The following MAL2 variants were observed in gnomAD, a reference collection of about 807,000 sequenced individuals.
MAL2 encodes the protein protein MAL2.
A neutral mutation model predicts 18.1 loss-of-function variants in MAL2; 17 were observed. That is an observed-to-expected ratio of 0.94 (90% CI 0.64 to 1.41). The LOEUF is 1.41. Ranked by LOEUF, MAL2 falls within the 40% of genes most tolerant of loss-of-function variation. The probability of loss-of-function intolerance (pLI) is 0.00; values close to 1 mark genes in which losing one functional copy is unlikely to be tolerated. For missense variants in MAL2, 222 were observed against 231.9 expected (o/e 0.96, Z 0.28); for synonymous variants, 102 against 102.3 (o/e 1.00, Z 0.02).
chr8:119,231,852 G>A (rs2129865464), intron 2 of MAL2, among the ~76,000 whole-genome samples: 1 of 151,036 alleles, frequency 6.6e-6, no homozygotes, highest in East Asian at 1.9e-4. Flanking sequence ...ACTTATATGT[G>A]AAATCTTGAA....
At chr8:119,225,970 TTTTTC>T (rs1817587562) in intron 2 of MAL2, among the ~76,000 whole-genome samples, 1 of 152,174 alleles carries the variant, frequency 6.6e-6, no homozygotes, top group African/African-American at 2.4e-5. Flanking sequence ...TGGGGTTGTT[TTTTTC>T]TTGTGAATTT....
intron 2 of MAL2, among the ~76,000 whole-genome samples, chr8:119,230,393 C>T (rs1817692733): frequency 6.7e-6 from 1 of 150,348 alleles, no homozygotes; most frequent in South Asian, 2.1e-4. Flanking sequence ...CAATTTAATT[C>T]AGATACTTCT....
chr8:119,208,822 C>A lies in MAL2; in HGVS notation c.132+218C>A. ...ACGCGGGCACCTGCTCCCCCGCGGG[C>A]GACGGAAATTGCCTGGGGAGGGCGA... On this transcript the variant is annotated intron_variant, in intron 1 of 3. Transcript: ENST00000614891. The surrounding 1 kb of genome is among the most constrained non-coding windows in gnomAD (Gnocchi z 4.3). The A allele has an allele frequency of 1.5e-6, 1 of 666,540 alleles. No homozygotes were observed. The highest frequency in any genetic ancestry group is 2.1e-6 in the Non-Finnish European group (1 of 483,686). The allele number at this position is 666,540 out of a possible 1,614,324, so 41.3% of individuals were successfully genotyped here.
chr8:119,235,401 C>T (rs1296681628), intron 2 of MAL2, among the ~76,000 whole-genome samples: 1 of 152,032 alleles, frequency 6.6e-6, no homozygotes, highest in Non-Finnish European at 1.5e-5. Flanking sequence ...AGAACTTCCC[C>T]AATCTAGCAA....
chr8:119,244,188 A>G lies in MAL2; in HGVS notation c.*700A>G, dbSNP rs891242713. 3 of 152,196 alleles carry G rather than the reference A, an allele frequency of 2.0e-5. No individual in the cohort carries two copies. Among genetic ancestry groups the G allele is most frequent in the Non-Finnish European group, 4.4e-5 (3 of 68,048 alleles). The allele number at this position is 152,196 out of a possible 1,614,324, so 9.4% of individuals were successfully genotyped here. On this transcript the variant is annotated 3_prime_UTR_variant, in exon 4 of 4. Transcript: ENST00000614891. ...TGCATTTTCTTGAACTGATCATTGA[A>G]AACTTATAAACCTAACAGAAAAGCC...
rs757264324 is a variant in MAL2, at chr8:119,243,433, C to T, written c.476C>T (p.Thr159Met). 9.4e-6 allele frequency: 15 copies of T among 1,595,754 alleles called. No homozygotes were observed. Among genetic ancestry groups the T allele is most frequent in the Non-Finnish European group, 1.2e-5 (14 of 1,170,128 alleles). The change falls in exon 4 of 4, where the codon ACG (threonine) becomes ATG (methionine). Residue 159 changes from threonine (T) to methionine (M), a missense_variant. By Grantham distance (81) the Thr-to-Met change is moderately conservative. Coordinates refer to ENST00000614891, the MANE Select transcript of MAL2 (RefSeq NM_052886.3). ...NVAASIFAFM[T>M]TACYGCSLGL... The stretch of plus-strand genomic sequence containing the variant: ...TTTTCTTAGATTTTTGCCTTTATGA[C>T]GACAGCTTGTTATGGTTGCAGTTTG...
intron 3 of MAL2, among the ~76,000 whole-genome samples, chr8:119,240,554 C>T (rs1587146215): frequency 6.6e-6 from 1 of 152,188 alleles, no homozygotes; most frequent in African/African-American, 2.4e-5. Flanking sequence ...AAGATCATAG[C>T]AAGCCAGTAG....
chr8:119,209,073 G>A, intron 1 of MAL2: 1 of 165,036 alleles, frequency 6.1e-6, no homozygotes, highest in Admixed American at 5.9e-5. Context: ...GAAAGTGGGG[G>A]CGGGAGGCAA....
intron 2 of MAL2, among the ~76,000 whole-genome samples, chr8:119,230,105 A>T (rs1455732904): frequency 6.6e-6 from 1 of 152,182 alleles, no homozygotes; most frequent in Admixed American, 6.5e-5. Flanking sequence ...CTTCTCTACC[A>T]GGTCTAGTAC....
intron 2 of MAL2, among the ~76,000 whole-genome samples, chr8:119,226,351 A>G (rs1023657214): frequency 6.6e-6 from 1 of 151,564 alleles, no homozygotes; most frequent in African/African-American, 2.4e-5. Flanking sequence ...TCAGCTTTCT[A>G]CTTATGGCTA....
chr8:119,226,926 A>G (rs1357852510), intron 2 of MAL2, among the ~76,000 whole-genome samples: 1 of 152,200 alleles, frequency 6.6e-6, no homozygotes, highest in Non-Finnish European at 1.5e-5. Flanking sequence ...AAATGCAATG[A>G]GTGAGGCTTG....
At chr8:119,215,890 T>C (rs1472772083) in intron 1 of MAL2, among the ~76,000 whole-genome samples, 1 of 152,212 alleles carries the variant, frequency 6.6e-6, no homozygotes, top group Non-Finnish European at 1.5e-5. Flanking sequence ...TGGGCTGCTT[T>C]GTAAATACAT....
chr8:119,222,587 G>A (rs184404743), intron 2 of MAL2, among the ~76,000 whole-genome samples: 19 of 151,816 alleles, frequency 1.3e-4, no homozygotes, highest in Admixed American at 8.5e-4. Context: ...CAGGACTTTG[G>A]GAAGCTGAGG....
intron 1 of MAL2, 123 bp from the exon 2 acceptor site, chr8:119,221,464 G>A: frequency 8.5e-7 from 1 of 1,182,098 alleles, no homozygotes; most frequent in Non-Finnish European, 1.2e-6. Flanking sequence ...TGGGGTTGCT[G>A]GAATATGTGC....
Position 119,243,595 on chromosome 8 carries a change from T to C in MAL2, c.*107T>C. 1 of 943,934 alleles carries C rather than the reference T, an allele frequency of 1.1e-6. No individual in the cohort carries two copies. The highest frequency in any genetic ancestry group is 1.5e-6 in the Non-Finnish European group (1 of 652,722). The allele number at this position is 943,934 out of a possible 1,614,324, so 58.5% of individuals were successfully genotyped here. ...AGATGCAAAAACATTCCAAAAGTAA[T>C]GTGTTTAGTAGAGAGAGACTCTAAG... On this transcript the variant is annotated 3_prime_UTR_variant, in exon 4 of 4. Coordinates refer to ENST00000614891, the MANE Select transcript of MAL2 (RefSeq NM_052886.3).
chr8:119,235,162 G>A (rs1817850057), intron 2 of MAL2, among the ~76,000 whole-genome samples: 1 of 152,184 alleles, frequency 6.6e-6, no homozygotes. Flanking sequence ...TGTGAAGAAT[G>A]CAGAAGCCTC....
intron 3 of MAL2, among the ~76,000 whole-genome samples, 189 bp from the exon 4 acceptor site, chr8:119,243,228 G>T (rs1366040954): frequency 1.3e-5 from 2 of 150,826 alleles, no homozygotes; most frequent in Non-Finnish European, 2.9e-5. Context: ...AGGGGGGAGG[G>T]TAATTGTATG....
chr8:119,221,391 G>A (rs753841385), intron 1 of MAL2, 196 bp from the exon 2 acceptor site: 9 of 598,548 alleles, frequency 1.5e-5, no homozygotes, highest in Non-Finnish European at 2.6e-5. Context: ...CTCCAAGCAG[G>A]AGGATTGATC....
chr8:119,238,922 A>G lies in MAL2; in HGVS notation c.304-1243A>G, dbSNP rs1003085722. 2.0e-5 allele frequency among the ~76,000 whole-genome samples: 3 copies of G among 151,868 alleles called. 1 individual carries two copies. Among genetic ancestry groups the G allele is most frequent in the African/African-American group, 7.3e-5 (3 of 41,128 alleles). ...AATGGCAACACAAGCCAAAATTGAC[A>G]AATGGGAGCTAATTAAACTAAAGAG... On this transcript the variant is annotated intron_variant, in intron 2 of 3. Transcript: ENST00000614891.
Sources: allele counts gnomAD v4.1 joint callset (sites outside exome capture counted in the v4.1 genomes callset), GRCh38; gene constraint gnomAD v4.1.1; non-coding constraint Gnocchi (gnomAD v3.1); transcripts MANE v1.5; gene names NCBI Gene and HGNC (gene_info 2026-07-23, HGNC 2026-07-21).